Variants in PCDH15 observed in about 807,000 individuals in gnomAD.
The protein encoded by PCDH15 is protocadherin related 15.
Under a neutral mutation model 178.5 loss-of-function variants are expected in PCDH15, and 129 were observed. The observed-to-expected ratio is 0.72, with a 90% CI of 0.63 to 0.84. PCDH15 has a LOEUF of 0.84. Ranked by LOEUF, PCDH15 falls within the 40% of genes least tolerant of loss-of-function variation. PCDH15 has a pLI of 0.00. For missense variants in PCDH15, 2,230 were observed against 2,099.9 expected, an observed-to-expected ratio of 1.06 and a Z score of -1.21; for synonymous variants, 800 against 732.0, an observed-to-expected ratio of 1.09 and a Z score of -1.50.
At chr10:54,814,340 T>C (rs79231579) in intron 3 of PCDH15, among the ~76,000 whole-genome samples, 2,075 of 152,250 alleles carry the variant, frequency 0.014, 49 homozygotes, top group African/African-American at 0.047. Context: ...TTTTAAAAAG[T>C]TTCATTTGTT....
At chr10:55,333,386 G>A (rs1588923258) in intron 2 of PCDH15, among the ~76,000 whole-genome samples, 1 of 145,468 alleles carries the variant, frequency 6.9e-6, no homozygotes, top group East Asian at 2.0e-4. Context: ...GGTTGTTGTT[G>A]TTTGTTTCAA....
At chr10:54,887,843 A>T (rs1209555561) in intron 3 of PCDH15, among the ~76,000 whole-genome samples, 1 of 152,064 alleles carries the variant, frequency 6.6e-6, no homozygotes, top group Non-Finnish European at 1.5e-5. Flanking sequence ...CAAAATGATA[A>T]CTTATTTCCA....
In PCDH15 at chr10:54,655,237, G is replaced by GGAAA. The variant is rs1351092726; in HGVS notation, c.91+8931_91+8934dup. On this transcript the variant is annotated intron_variant, in intron 2 of 37. Coordinates refer to ENST00000644397, the MANE Select transcript of PCDH15 (RefSeq NM_001384140.1). Reference sequence around the variant, plus strand: ...AAAAGGAAGGGAGGAAGGGAGGAAGGGAAAGAAAGAAAGAAAGAAAGAGAG... The same window carrying GGAAA: ...AAAAGGAAGGGAGGAAGGGAGGAAGGGAAAGAAAGAAAGAAAGAAAGAAAGAGAG... Among the ~76,000 whole-genome samples, 69 of 100,284 alleles carry GGAAA rather than the reference G, an allele frequency of 6.9e-4. 1 individual carries two copies. The highest frequency in any genetic ancestry group is 7.6e-3 in the Middle Eastern group (1 of 132). The allele number at this position is 100,284 out of a possible 152,430, so 65.8% of individuals were successfully genotyped here.
chr10:55,543,398 T>A (rs1021154009), intron 2 of PCDH15, among the ~76,000 whole-genome samples: 4 of 150,010 alleles, frequency 2.7e-5, no homozygotes, highest in Non-Finnish European at 5.9e-5. Flanking sequence ...TATATGTATA[T>A]ATAAAAATAC....
chr10:54,091,896 T>C (rs2094605869), intron 15 of PCDH15, among the ~76,000 whole-genome samples: 1 of 151,630 alleles, frequency 6.6e-6, no homozygotes, highest in South Asian at 2.1e-4. Flanking sequence ...CTATAAATAC[T>C]GTCTATCTGC....
At chr10:55,308,075 A>G (rs1225600127) in intron 1 of PCDH15, among the ~76,000 whole-genome samples, 4 of 152,234 alleles carry the variant, frequency 2.6e-5, no homozygotes, top group African/African-American at 9.6e-5. Context: ...ATTTTAATGC[A>G]TCACAATAAA....
At chr10:55,511,647 A>G (rs1840887932) in intron 2 of PCDH15, among the ~76,000 whole-genome samples, 1 of 152,046 alleles carries the variant, frequency 6.6e-6, no homozygotes, top group Non-Finnish European at 1.5e-5. Flanking sequence ...TATGGCAAAT[A>G]AGCAGTCTGA....
intron 14 of PCDH15, among the ~76,000 whole-genome samples, chr10:54,148,444 A>T (rs73243536): frequency 0.027 from 4,152 of 152,142 alleles, 190 homozygotes; most frequent in African/African-American, 0.094. Flanking sequence ...TAAAATATTA[A>T]TGCTAATAGT....
At chr10:54,242,130 T>TTA (rs57729172) in intron 8 of PCDH15, among the ~76,000 whole-genome samples, 63 of 31,670 alleles carry the variant, frequency 2.0e-3, no homozygotes, top group Non-Finnish European at 2.6e-3. Context: ...AATTCTATTT[T>TTA]TATATATATA....
chr10:53,909,353 T>C (rs1289379104), intron 25 of PCDH15, among the ~76,000 whole-genome samples: 2 of 152,218 alleles, frequency 1.3e-5, no homozygotes, highest in East Asian at 1.9e-4. Context: ...TATTTCTTTA[T>C]ACCAGTGTGA....
chr10:54,586,523 T>C (rs17737479), intron 2 of PCDH15, among the ~76,000 whole-genome samples: 17,932 of 152,266 alleles, frequency 0.12, 1,247 homozygotes, highest in Non-Finnish European at 0.16. Context: ...GACCATATCA[T>C]ATTTTTTATT....
intron 2 of PCDH15, among the ~76,000 whole-genome samples, chr10:55,072,916 CA>C (rs930961026): frequency 1.3e-4 from 20 of 150,468 alleles, no homozygotes; most frequent in Non-Finnish European, 2.5e-4. Flanking sequence ...AAGTGGGCTT[CA>C]TCCTTGGGAT....
At chr10:54,095,058 T>C (rs749850663) in intron 15 of PCDH15, among the ~76,000 whole-genome samples, 140 of 152,332 alleles carry the variant, frequency 9.2e-4, no homozygotes, top group Admixed American at 1.6e-3. Context: ...GGAATGATTC[T>C]ACACATTTCA....
intron 2 of PCDH15, among the ~76,000 whole-genome samples, chr10:55,028,150 A>T (rs573694679): frequency 6.6e-6 from 1 of 151,968 alleles, no homozygotes; most frequent in East Asian, 1.9e-4. Context: ...GGTTAACTGT[A>T]TGATGTAGTA....
In PCDH15 at chr10:53,806,545, T is replaced by TAAAA. The variant is rs1841171689; in HGVS notation, c.*30_*33dup. On this transcript the variant is annotated 3_prime_UTR_variant, in exon 38 of 38. Transcript: ENST00000644397. ...AAGCACAGTTTATTAAAAATGTAAG[T>TAAAA]AAAAATTAATTAAAATATCTTTTAA... The TAAAA allele has an allele frequency of 6.8e-7, 1 of 1,476,428 alleles. No individual in the cohort carries two copies. The highest frequency in any genetic ancestry group is 2.2e-5 in the Admixed American group (1 of 45,732). 91.5% of individuals were successfully genotyped at this position (1,476,428 alleles called of 1,614,324 possible).
At chr10:54,477,631 C>T (rs1318778580) in intron 3 of PCDH15, among the ~76,000 whole-genome samples, 1 of 152,194 alleles carries the variant, frequency 6.6e-6, no homozygotes, top group Non-Finnish European at 1.5e-5. Context: ...GAGTCTCACT[C>T]TATCACCCAG....
At chr10:54,727,808 C>A (rs1482314842) in intron 1 of PCDH15, among the ~76,000 whole-genome samples, 4 of 151,438 alleles carry the variant, frequency 2.6e-5, no homozygotes, top group East Asian at 3.9e-4. Context: ...GTGCAGATTT[C>A]TAGTCACATA....
intron 1 of PCDH15, among the ~76,000 whole-genome samples, chr10:55,288,025 T>A (rs1209469279): frequency 6.6e-6 from 1 of 150,932 alleles, no homozygotes; most frequent in East Asian, 1.9e-4. Context: ...TATATATTTG[T>A]AAATATGTGT....
intron 1 of PCDH15, among the ~76,000 whole-genome samples, chr10:55,228,982 C>T (rs1421128866): frequency 6.6e-6 from 1 of 151,796 alleles, no homozygotes; most frequent in East Asian, 1.9e-4. Flanking sequence ...TAAAAATTAT[C>T]AGCAACAAAA....
Sources: gnomAD v4.1 joint callset for allele counts (sites outside exome capture counted in the v4.1 genomes callset) on GRCh38, gnomAD v4.1.1 for gene constraint, MANE v1.5 for transcripts, NCBI Gene and HGNC (gene_info 2026-07-23, HGNC 2026-07-21) for gene names.